The following MYO10 variants were observed in gnomAD, a reference collection of about 807,000 sequenced individuals.
MYO10 encodes myosin X, also known as unconventional myosin-X.
Under a neutral mutation model 257.3 loss-of-function variants are expected in MYO10, and 133 were observed. The observed-to-expected ratio is 0.52, with a 90% CI of 0.45 to 0.60. The LOEUF is 0.60. Among genes scored for constraint, MYO10 ranks in the 20% least tolerant of loss-of-function variants. The pLI is 0.00. For missense variants in MYO10, 2,399 were observed against 2,635.7 expected, an observed-to-expected ratio of 0.91 and a Z score of 1.97; for synonymous variants, 1,104 against 1,028.6, an observed-to-expected ratio of 1.07 and a Z score of -1.40.
Position 16,828,284 on chromosome 5 carries a change from A to C in MYO10, c.121-10117T>G, listed in dbSNP as rs184699819. ...AGAACGTGGTGTGATTACATCATGA[A>C]GATGAAGGCAAAGAGATCGCTGAGG... is the stretch of plus-strand genomic sequence containing the variant. On this transcript the variant is annotated intron_variant, in intron 2 of 40. Coordinates refer to ENST00000513610, the MANE Select transcript of MYO10 (RefSeq NM_012334.3). Among the ~76,000 whole-genome samples, 48 of 152,170 alleles carry C rather than the reference A, an allele frequency of 3.2e-4. 1 individual carries two copies. In the East Asian group the frequency reaches 8.7e-3, roughly 28 times the overall value.
chr5:16,832,056 G>A (rs940854322), intron 2 of MYO10, among the ~76,000 whole-genome samples: 6 of 152,020 alleles, frequency 3.9e-5, no homozygotes, highest in East Asian at 1.9e-4. Flanking sequence ...GATGCTCCCC[G>A]CCTTAGCCCC....
At chr5:16,878,185 A>G (rs1305456641) in intron 1 of MYO10, among the ~76,000 whole-genome samples, 3 of 152,190 alleles carry the variant, frequency 2.0e-5, no homozygotes, top group Non-Finnish European at 4.4e-5. Context: ...TTCAGAAACT[A>G]ATGGCTCCCA....
At chr5:16,933,970 T>C (rs777336077) in intron 1 of MYO10, among the ~76,000 whole-genome samples, 1 of 152,194 alleles carries the variant, frequency 6.6e-6, no homozygotes, top group Non-Finnish European at 1.5e-5. Flanking sequence ...AACAAGCTCT[T>C]CAAAGCTGGG....
At chr5:16,756,874 G>A (rs1329297122) in intron 18 of MYO10, among the ~76,000 whole-genome samples, 2 of 152,046 alleles carry the variant, frequency 1.3e-5, no homozygotes, top group East Asian at 1.9e-4. Context: ...GCTGAGGCAG[G>A]AGGATCGCTG....
At chr5:16,805,370 G>T (rs978225151) in intron 3 of MYO10, among the ~76,000 whole-genome samples, 1 of 145,518 alleles carries the variant, frequency 6.9e-6, no homozygotes, top group Non-Finnish European at 1.5e-5. Context: ...GCTGAGGCAG[G>T]AGAATCGCTT....
intron 19 of MYO10, among the ~76,000 whole-genome samples, chr5:16,725,078 CTTTTTTTTTTTTTT>C (rs34100971): frequency 1.3e-5 from 1 of 74,890 alleles, no homozygotes; most frequent in Non-Finnish European, 2.4e-5. Flanking sequence ...CCTTCTTCTT[CTTTTTTTTTTTTTT>C]TTTTTTTTTT....
At chr5:16,917,288 A>G (rs1300906907) in intron 1 of MYO10, among the ~76,000 whole-genome samples, 1 of 152,222 alleles carries the variant, frequency 6.6e-6, no homozygotes, top group East Asian at 1.9e-4. Flanking sequence ...CAGCATATTA[A>G]AATAAAATAC....
chr5:16,717,453 T>G (rs192074384), intron 19 of MYO10, among the ~76,000 whole-genome samples: 1 of 152,312 alleles, frequency 6.6e-6, no homozygotes, highest in African/African-American at 2.4e-5. Context: ...AGAGATCAAC[T>G]TGTCAGGTAC....
chr5:16,935,850 T>C lies in MYO10; in HGVS notation c.-42A>G, dbSNP rs770849925. The C allele has an allele frequency of 9.9e-6, 16 of 1,609,946 alleles. No individual in the cohort carries two copies. The African/African-American group carries it at 1.9e-4, about 19-fold the overall frequency. On this transcript the variant is annotated 5_prime_UTR_variant, in exon 1 of 41. Coordinates refer to ENST00000513610, the MANE Select transcript of MYO10 (RefSeq NM_012334.3). ...CGGACTCGCCGAGTGCCGCTCCGAC[T>C]CGCGGAAGTCAGCGCCGCCGCGGGT...
chr5:16,695,809 T>C (rs1167670363), intron 26 of MYO10, among the ~76,000 whole-genome samples: 2 of 152,214 alleles, frequency 1.3e-5, no homozygotes, highest in African/African-American at 4.8e-5. Flanking sequence ...ATGCGTTCAC[T>C]GTGTGAAAAC....
At chr5:16,933,418 T>C (rs1409765701) in intron 1 of MYO10, among the ~76,000 whole-genome samples, 1 of 152,210 alleles carries the variant, frequency 6.6e-6, no homozygotes, top group East Asian at 1.9e-4. Flanking sequence ...TGGCCATTCA[T>C]ACACAAAGCT....
At chr5:16,786,385 ATC>A (rs1201618582) in intron 4 of MYO10, among the ~76,000 whole-genome samples, 2 of 152,196 alleles carry the variant, frequency 1.3e-5, no homozygotes, top group Non-Finnish European at 2.9e-5. Context: ...ATGGATATCA[ATC>A]TCTGTCAATC....
In MYO10 at chr5:16,672,725, C is replaced by T. The variant is rs1245764045; in HGVS notation, c.5273G>A (p.Arg1758Gln). 13 of 1,613,978 alleles carry T rather than the reference C, an allele frequency of 8.1e-6. No individual in the cohort carries two copies. Among genetic ancestry groups the T allele is most frequent in the Non-Finnish European group, 1.1e-5 (13 of 1,179,878 alleles). Reference protein sequence around the residue: ...NGHVDKAIESRTVVADVLAKF... With the variant: ...NGHVDKAIESQTVVADVLAKF... ...GGCTAAGACATCAGCTACGACGGTT[C>T]GACTTTCAATGGCTTTGTCGACGTG... The change falls in exon 37 of 41, where the codon CGA becomes CAA. Residue 1758 changes from arginine (R) to glutamine (Q), a missense_variant. Around this residue, in one of 3 missense-constraint regions of MYO10, gnomAD observed 1,820 missense variants for 1,939.4 expected, o/e 0.94. Transcript: ENST00000513610.
In MYO10 at chr5:16,763,553, G is replaced by GA. The variant is rs762064711; in HGVS notation, c.1428-7dup. 6.2e-7 allele frequency: 1 copy of GA among 1,608,238 alleles called. No homozygotes were observed. Among genetic ancestry groups the GA allele is most frequent in the Non-Finnish European group, 8.5e-7 (1 of 1,176,072 alleles). On this transcript the variant is annotated splice_region_variant and splice_polypyrimidine_tract_variant and intron_variant, in intron 13 of 40. Transcript: ENST00000513610. ...CTTCCCACACTAATCCTTCCCTGTA[G>GA]AAAGATTTTAAACAGCCAAGTTAAA... is the stretch of plus-strand genomic sequence containing the variant.
At chr5:16,738,345 CTG>C (rs1476027123) in intron 19 of MYO10, 47 of 985,242 alleles carry the variant, frequency 4.8e-5, no homozygotes, top group Non-Finnish European at 5.2e-5. Flanking sequence ...CAGAGAGAAA[CTG>C]TGCTGGCTGG....
At chr5:16,895,906 C>A (rs1745205058) in intron 1 of MYO10, among the ~76,000 whole-genome samples, 1 of 152,150 alleles carries the variant, frequency 6.6e-6, no homozygotes, top group Non-Finnish European at 1.5e-5. Context: ...AAGGGGGGCC[C>A]TGCCGCACAG....
intron 2 of MYO10, among the ~76,000 whole-genome samples, chr5:16,842,475 C>T (rs959439289): frequency 6.6e-6 from 1 of 152,268 alleles, no homozygotes; most frequent in East Asian, 1.9e-4. Context: ...TGGGCTTCAG[C>T]GGCAGCCTCA....
chr5:16,916,405 T>TAAAAAAAAAAAAAAAAAAAAAAAA (rs71596001), intron 1 of MYO10: 1 of 104,262 alleles, frequency 9.6e-6, no homozygotes, highest in Non-Finnish European at 1.8e-5. Flanking sequence ...AGCCATGAAG[T>TAAAAAAAAAAAAAAAAAAAAAAAA]AAAAAAAAAA....
Position 16,701,703 on chromosome 5 carries a change from C to T in MYO10, c.2692G>A (p.Glu898Lys). 1.2e-6 allele frequency: 2 copies of T among 1,613,982 alleles called. No homozygotes were observed. The highest frequency in any genetic ancestry group is 1.7e-6 in the Non-Finnish European group (2 of 1,179,884). Residue 898 changes from glutamate to lysine, a missense_variant, in exon 25 of 41, where the codon GAG becomes AAG. This residue lies in a region of MYO10 where 1,820 missense variants were observed against 1,939.4 expected (regional missense o/e 0.94). Transcript: ENST00000513610. This position sits in a 1 kb window ranked among gnomAD's most constrained non-coding sequence, Gnocchi z 8.1. ...TGCTCCTTCATGCGCTGCAGGTCCT[C>T]GATTTCTTTCTCCAGACGGAGGATC... The part of the protein sequence containing the change: ...EEILRLEKEI[E>K]DLQRMKEQQE...
Sources: gnomAD v4.1 joint callset for allele counts (sites outside exome capture counted in the v4.1 genomes callset) on GRCh38, gnomAD v4.1.1 for gene constraint, gnomAD v4.1.1 regional missense constraint, Gnocchi (gnomAD v3.1) non-coding constraint, MANE v1.5 for transcripts, NCBI Gene and HGNC (gene_info 2026-07-23, HGNC 2026-07-21) for gene names.